FUT8: variants seen among roughly 807,000 people sequenced by gnomAD.
FUT8 encodes the protein alpha-(1,6)-fucosyltransferase.
A neutral mutation model predicts 71.3 loss-of-function variants in FUT8; 29 were observed. The observed-to-expected ratio is 0.41, with a 90% CI of 0.30 to 0.55. The LOEUF (loss-of-function observed/expected upper bound fraction) is 0.55, where lower values mean the gene tolerates loss of function less well. Ranked by LOEUF, FUT8 falls within the 20% of genes least tolerant of loss-of-function variation. The probability of loss-of-function intolerance (pLI) is 0.34; values close to 1 mark genes in which losing one functional copy is unlikely to be tolerated. For synonymous variants in FUT8, 254 were observed against 239.3 expected (o/e 1.06, Z -0.57); for missense variants, 544 against 702.1 (o/e 0.77, Z 2.55).
At chr14:65,556,180 A>G (rs1414428813) in intron 2 of FUT8, among the ~76,000 whole-genome samples, 2 of 152,160 alleles carry the variant, frequency 1.3e-5, no homozygotes, top group Non-Finnish European at 2.9e-5. Flanking sequence ...TAAAGCAACA[A>G]TTTATTATCT....
upstream of FUT8, among the ~76,000 whole-genome samples, chr14:65,408,702 G>C (rs1173861839): frequency 6.6e-6 from 1 of 152,236 alleles, no homozygotes; most frequent in Non-Finnish European, 1.5e-5. Context: ...AAGTCATAGG[G>C]AGGGATAGTC....
chr14:65,536,700 C>T (rs371074609), intron 2 of FUT8, among the ~76,000 whole-genome samples: 1 of 152,164 alleles, frequency 6.6e-6, no homozygotes, highest in East Asian at 1.9e-4. Context: ...TCTTTCATTT[C>T]AGCCTCATAG....
intron 6 of FUT8, among the ~76,000 whole-genome samples, chr14:65,663,523 C>CA (rs1042326048): frequency 8.6e-5 from 13 of 151,994 alleles, no homozygotes; most frequent in Non-Finnish European, 1.8e-4. Flanking sequence ...ATTATTTGGA[C>CA]AAAAAAATTG....
At chr14:65,586,967 T>A (rs1887421652) in intron 3 of FUT8, among the ~76,000 whole-genome samples, 1 of 152,050 alleles carries the variant, frequency 6.6e-6, no homozygotes, top group Non-Finnish European at 1.5e-5. Context: ...GGCGGGTGGA[T>A]CACGAGGTCA....
intron 5 of FUT8, among the ~76,000 whole-genome samples, chr14:65,620,683 GAGAC>G (rs1173273524): frequency 1.3e-5 from 2 of 152,180 alleles, no homozygotes; most frequent in Non-Finnish European, 2.9e-5. Context: ...AACAGAGAGA[GAGAC>G]AGAGAGAGGA....
intron 7 of FUT8, among the ~76,000 whole-genome samples, chr14:65,686,823 A>G (rs943599817): frequency 1.3e-5 from 2 of 152,210 alleles, no homozygotes; most frequent in South Asian, 4.1e-4. Context: ...GTCAATATTA[A>G]CCAGAAAATC....
At chr14:65,490,441 A>G (rs1461497844) in intron 2 of FUT8, among the ~76,000 whole-genome samples, 1 of 152,160 alleles carries the variant, frequency 6.6e-6, no homozygotes, top group Non-Finnish European at 1.5e-5. Context: ...AGGCCCAGGC[A>G]TCTGCTCAAA....
At chr14:65,461,595 A>G (rs1408529311) in intron 2 of FUT8, among the ~76,000 whole-genome samples, 1 of 152,208 alleles carries the variant, frequency 6.6e-6, no homozygotes, top group Non-Finnish European at 1.5e-5. Context: ...AAAGAAAACC[A>G]GTCTGGAAGT....
intron 2 of FUT8, among the ~76,000 whole-genome samples, chr14:65,528,649 G>A (rs988536714): frequency 4.6e-5 from 7 of 152,150 alleles, no homozygotes; most frequent in African/African-American, 1.7e-4. Flanking sequence ...CTCAGGCTGG[G>A]AGCTATAGAC....
At chr14:65,710,746 G>C (rs542490299) in intron 7 of FUT8, among the ~76,000 whole-genome samples, 1 of 152,090 alleles carries the variant, frequency 6.6e-6, no homozygotes, top group Non-Finnish European at 1.5e-5. Context: ...GTTTTAGCTC[G>C]TTTTGCATTG....
chr14:65,645,406 G>C (rs1891077210), intron 6 of FUT8, among the ~76,000 whole-genome samples: 1 of 152,152 alleles, frequency 6.6e-6, no homozygotes, highest in Non-Finnish European at 1.5e-5. Context: ...AATGTTTTCT[G>C]TAAAGAGAAT....
intron 2 of FUT8, among the ~76,000 whole-genome samples, chr14:65,528,318 A>G (rs574150784): frequency 1.3e-5 from 2 of 152,332 alleles, no homozygotes; most frequent in Admixed American, 6.5e-5. Flanking sequence ...AGCAATGAGC[A>G]AGGCTCCGTG....
At chr14:65,648,676 T>C (rs1891224975) in intron 6 of FUT8, among the ~76,000 whole-genome samples, 1 of 152,214 alleles carries the variant, frequency 6.6e-6, no homozygotes, top group South Asian at 2.1e-4. Flanking sequence ...CTGACTAATA[T>C]CGGGTTCCAC....
chr14:65,411,703 C>G (rs1206330917), upstream of FUT8: 1 of 272,882 alleles, frequency 3.7e-6, no homozygotes. Flanking sequence ...CACCATTTCG[C>G]TCTCCCACCG....
At chr14:65,665,928 C>T (rs535328388) in intron 6 of FUT8, among the ~76,000 whole-genome samples, 3 of 152,002 alleles carry the variant, frequency 2.0e-5, no homozygotes, top group South Asian at 4.2e-4. Flanking sequence ...TGGGGCCTAT[C>T]GGAGGGTGGA....
intron 1 of FUT8, among the ~76,000 whole-genome samples, chr14:65,448,433 C>T (rs1002922316): frequency 6.6e-6 from 1 of 152,102 alleles, no homozygotes; most frequent in Non-Finnish European, 1.5e-5. Flanking sequence ...TTAGAATAAT[C>T]ATAGACAATA....
In FUT8 at chr14:65,643,790, C is replaced by T. The variant is rs1890982049; in HGVS notation, c.597+14184C>T. Among the ~76,000 whole-genome samples, 1 of 150,008 alleles carries T rather than the reference C, an allele frequency of 6.7e-6. No individual in the cohort carries two copies. Among genetic ancestry groups the T allele is most frequent in the Non-Finnish European group, 1.5e-5 (1 of 67,804 alleles). On this transcript the variant is annotated intron_variant, in intron 6 of 10. Transcript: ENST00000673929. The surrounding 1 kb of genome is among the most constrained non-coding windows in gnomAD (Gnocchi z 4.5). The stretch of plus-strand genomic sequence containing the variant: ...AGCAACACCCAGTAGAGGTTTTATC[C>T]TTTTAACTTTCTTGAATATACGTTG...
chr14:65,717,671 C>T lies in FUT8; in HGVS notation c.836-4104C>T, dbSNP rs534693183. Among the ~76,000 whole-genome samples the T allele has an allele frequency of 2.0e-4, 29 of 143,080 alleles. No homozygotes were observed. In the South Asian group the frequency reaches 2.1e-3, roughly 10 times the overall value. 93.9% of individuals were successfully genotyped at this position (143,080 alleles called of 152,430 possible). ...GCAGAGGCGCTCCCCATTTCCCAGA[C>T]GGGGCGGCTGGGCAGAGATGCTCCT... On this transcript the variant is annotated intron_variant, in intron 7 of 10. Transcript: ENST00000673929.
chr14:65,443,271 A>C (rs1215761360), intron 1 of FUT8, among the ~76,000 whole-genome samples: 1 of 152,012 alleles, frequency 6.6e-6, no homozygotes, highest in Non-Finnish European at 1.5e-5. Context: ...TTAGCCGGGC[A>C]TGGTGGTGCT....
Sources: gnomAD v4.1 joint callset for allele counts (sites outside exome capture counted in the v4.1 genomes callset) on GRCh38, gnomAD v4.1.1 for gene constraint, Gnocchi (gnomAD v3.1) non-coding constraint, MANE v1.5 for transcripts, NCBI Gene and HGNC (gene_info 2026-07-23, HGNC 2026-07-21) for gene names.